ZNF569: variants seen among roughly 807,000 people sequenced by gnomAD.
ZNF569 encodes zinc finger protein 569.
ZNF569 carries 38 observed loss-of-function variants against 56.3 expected under a neutral mutation model. That is an observed-to-expected ratio of 0.68 (90% CI 0.52 to 0.88). The LOEUF (loss-of-function observed/expected upper bound fraction) is 0.88. Ranked by LOEUF, ZNF569 falls within the 40% of genes least tolerant of loss-of-function variation. The probability of loss-of-function intolerance (pLI) is 0.00; values close to 1 mark genes in which losing one functional copy is unlikely to be tolerated. For missense variants in ZNF569, 666 were observed against 809.2 expected, an observed-to-expected ratio of 0.82 and a Z score of 2.15; for synonymous variants, 241 against 262.9, an observed-to-expected ratio of 0.92 and a Z score of 0.81.
chr19:37,447,140 G>A (rs1236059621), intron 2 of ZNF569, among the ~76,000 whole-genome samples: 1 of 152,080 alleles, frequency 6.6e-6, no homozygotes, highest in African/African-American at 2.4e-5. Flanking sequence ...TTATACTGTC[G>A]GTAGGAATGT....
At chr19:37,467,922 C>T (rs1425255347), upstream of ZNF569, 1 of 1,536,058 alleles carries the variant, frequency 6.5e-7, no homozygotes, top group African/African-American at 1.4e-5. Flanking sequence ...CTGGACTTCT[C>T]GATTGTGAGT....
intron 4 of ZNF569, 137 bp from the exon 5 acceptor site, chr19:37,426,100 G>T: frequency 7.7e-7 from 1 of 1,294,710 alleles, no homozygotes; most frequent in Non-Finnish European, 1.1e-6. Flanking sequence ...CTTTTGCTCT[G>T]AAAACTGCAG....
chr19:37,424,048 A>T (rs1443141278), intron 5 of ZNF569, among the ~76,000 whole-genome samples: 1 of 152,092 alleles, frequency 6.6e-6, no homozygotes, highest in Non-Finnish European at 1.5e-5. Flanking sequence ...ATACACTTGC[A>T]TATGTACATG....
intron 2 of ZNF569, among the ~76,000 whole-genome samples, chr19:37,453,695 G>C (rs1186819482): frequency 6.8e-6 from 1 of 147,262 alleles, no homozygotes; most frequent in African/African-American, 2.5e-5. Context: ...ATTTTGTTTT[G>C]GTATTTATCT....
intron 3 of ZNF569, 84 bp downstream of exon 3, chr19:37,444,823 A>G: frequency 9.1e-7 from 1 of 1,099,014 alleles, no homozygotes; most frequent in Admixed American, 2.3e-5. Context: ...ACAGACCTTT[A>G]TAATTTACTG....
intron 2 of ZNF569, among the ~76,000 whole-genome samples, chr19:37,446,120 A>T (rs2041488911): frequency 6.6e-6 from 1 of 152,260 alleles, no homozygotes; most frequent in South Asian, 2.1e-4. Flanking sequence ...CCAATGGAAC[A>T]GAATAGAAAA....
chr19:37,439,662 C>T (rs2041371447), intron 3 of ZNF569, among the ~76,000 whole-genome samples: 1 of 152,142 alleles, frequency 6.6e-6, no homozygotes, highest in African/African-American at 2.4e-5. Flanking sequence ...AAGCTAAGTG[C>T]CCATCAGGAA....
chr19:37,445,101 C>T, intron 2 of ZNF569, 137 bp from the exon 3 acceptor site: 1 of 664,296 alleles, frequency 1.5e-6, no homozygotes, highest in Non-Finnish European at 2.5e-6. Context: ...ATTCATACCA[C>T]AAAGGTTCTT....
At chr19:37,435,992 T>G (rs2032397642) in intron 3 of ZNF569, among the ~76,000 whole-genome samples, 1 of 152,178 alleles carries the variant, frequency 6.6e-6, no homozygotes, top group Non-Finnish European at 1.5e-5. Flanking sequence ...ACAGATCAAA[T>G]GGACATAATA....
At chr19:37,438,548 T>C (rs1387756712) in intron 3 of ZNF569, among the ~76,000 whole-genome samples, 1 of 152,086 alleles carries the variant, frequency 6.6e-6, no homozygotes, top group Non-Finnish European at 1.5e-5. Context: ...TGGATATCCA[T>C]ATGCAGAAAA....
At chr19:37,466,521 G>A (rs913760434) in intron 1 of ZNF569, among the ~76,000 whole-genome samples, 3 of 152,084 alleles carry the variant, frequency 2.0e-5, no homozygotes, top group Non-Finnish European at 2.9e-5. Context: ...CAGCTACTCG[G>A]GAGGCTGAGG....
At chr19:37,444,500 G>A (rs1213483792) in intron 3 of ZNF569, among the ~76,000 whole-genome samples, 1 of 151,934 alleles carries the variant, frequency 6.6e-6, no homozygotes, top group Non-Finnish European at 1.5e-5. Context: ...GTTACACTTT[G>A]TTTTATCCTT....
At chr19:37,442,795 A>C (rs574096508) in intron 3 of ZNF569, among the ~76,000 whole-genome samples, 2 of 152,338 alleles carry the variant, frequency 1.3e-5, no homozygotes, top group East Asian at 3.9e-4. Context: ...TCTCACAAAC[A>C]TAATATTAAA....
intron 5 of ZNF569, 57 bp downstream of exon 5, chr19:37,425,811 G>T: frequency 7.4e-7 from 1 of 1,344,234 alleles, no homozygotes; most frequent in Non-Finnish European, 1.1e-6. Flanking sequence ...ACCATTCACT[G>T]ATTAATCATT....
At chr19:37,416,468 C>A (rs2040935036) in intron 5 of ZNF569, among the ~76,000 whole-genome samples, 1 of 152,056 alleles carries the variant, frequency 6.6e-6, no homozygotes, top group South Asian at 2.1e-4. Flanking sequence ...GTTCCAGGAC[C>A]TCCCGTGGAT....
At chr19:37,418,909 T>C (rs1223413930) in intron 5 of ZNF569, among the ~76,000 whole-genome samples, 2 of 152,244 alleles carry the variant, frequency 1.3e-5, no homozygotes, top group African/African-American at 2.4e-5. Flanking sequence ...CAGTTCCCTA[T>C]TGCTGCTTAC....
chr19:37,451,462 T>C (rs535869948), intron 2 of ZNF569, among the ~76,000 whole-genome samples: 11 of 151,956 alleles, frequency 7.2e-5, no homozygotes, highest in Non-Finnish European at 1.2e-4. Context: ...TACAGTGTTA[T>C]TCAAGTCAAA....
chr19:37,440,345 A>G (rs1327998926), intron 3 of ZNF569, among the ~76,000 whole-genome samples: 1 of 152,220 alleles, frequency 6.6e-6, no homozygotes, highest in Admixed American at 6.5e-5. Flanking sequence ...AAATATTCAG[A>G]ATAGATAATA....
At chr19:37,430,011 G>A (rs1399435963) in intron 3 of ZNF569, among the ~76,000 whole-genome samples, 1 of 152,270 alleles carries the variant, frequency 6.6e-6, no homozygotes, top group Middle Eastern at 3.4e-3. Context: ...TGGGCAAGAT[G>A]ATGAGACCCT....
Sources: allele counts gnomAD v4.1 joint callset (sites outside exome capture counted in the v4.1 genomes callset), GRCh38; gene constraint gnomAD v4.1.1; transcripts MANE v1.5; gene names NCBI Gene and HGNC (gene_info 2026-07-23, HGNC 2026-07-21).